TMC7: variants seen among roughly 807,000 people sequenced by gnomAD.
TMC7 encodes transmembrane channel-like protein 7.
TMC7 carries 54 observed loss-of-function variants against 82.9 expected under a neutral mutation model. The ratio of observed to expected loss-of-function variants is 0.65; its 90% confidence interval spans 0.52 to 0.82. The LOEUF is 0.82. Ranked by LOEUF, TMC7 falls within the 40% of genes least tolerant of loss-of-function variation. TMC7 has a pLI of 0.00. For missense variants in TMC7, 820 were observed against 901.2 expected (o/e 0.91, Z 1.15); for synonymous variants, 350 against 337.9 (o/e 1.04, Z -0.39).
intron 5 of TMC7, among the ~76,000 whole-genome samples, chr16:19,029,036 T>A (rs1960370736): frequency 6.6e-6 from 1 of 150,768 alleles, no homozygotes; most frequent in East Asian, 2.0e-4. Flanking sequence ...GACAGAGTCT[T>A]GCTCTGTCAC....
chr16:19,050,521 C>T (rs1321380295), intron 12 of TMC7, among the ~76,000 whole-genome samples: 1 of 151,810 alleles, frequency 6.6e-6, no homozygotes, highest in African/African-American at 2.4e-5. Flanking sequence ...GACGGGGTCT[C>T]ACCCAGACTT....
At chr16:19,000,253 G>T (rs1225049181) in intron 1 of TMC7, among the ~76,000 whole-genome samples, 2 of 151,572 alleles carry the variant, frequency 1.3e-5, no homozygotes, top group Non-Finnish European at 2.9e-5. Flanking sequence ...ATCATTTGAG[G>T]CCAAGAGTTC....
At chr16:18,984,524 A>G (rs1314140169) in intron 1 of TMC7, 1 of 1,020,540 alleles carries the variant, frequency 9.8e-7, no homozygotes, top group African/African-American at 1.7e-5. Context: ...CTTCACATAC[A>G]GTTAGACCAA....
At chr16:19,060,640 G>A (rs980519112) in intron 15 of TMC7, among the ~76,000 whole-genome samples, 12 of 152,134 alleles carry the variant, frequency 7.9e-5, no homozygotes, top group Admixed American at 3.9e-4. Context: ...GGACAGTGTG[G>A]CCACAGGGTG....
In TMC7 at chr16:19,009,643, G is replaced by A. The variant is rs564276124; in HGVS notation, c.311+228G>A. Among the ~76,000 whole-genome samples the A allele has an allele frequency of 7.9e-5, 12 of 151,958 alleles. No homozygotes were observed. The South Asian group carries it at 2.1e-3, about 26-fold the overall frequency. The stretch of plus-strand genomic sequence containing the variant: ...AAAGACACCCAAACATACTCAACAT[G>A]TTAGTTTCTTTCCAGGCCGGGCGCG... On this transcript the variant is annotated intron_variant, in intron 2 of 15. Coordinates refer to ENST00000304381, the MANE Select transcript of TMC7 (RefSeq NM_024847.4).
chr16:18,991,146 A>G (rs2038944044), intron 1 of TMC7, among the ~76,000 whole-genome samples: 1 of 152,100 alleles, frequency 6.6e-6, no homozygotes, highest in Non-Finnish European at 1.5e-5. Flanking sequence ...GGAGAGATTC[A>G]GCTGAAGATT....
At chr16:19,026,500 G>A (rs1179287251) in intron 5 of TMC7, among the ~76,000 whole-genome samples, 1 of 150,910 alleles carries the variant, frequency 6.6e-6, no homozygotes, top group Non-Finnish European at 1.5e-5. Context: ...AGAAAGCAAA[G>A]TTAGGATCAA....
Position 18,988,156 on chromosome 16 carries a change from CTTTTTTTT to C in TMC7, c.67+4037_67+4044del, listed in dbSNP as rs760359195. Among the ~76,000 whole-genome samples the C allele has an allele frequency of 3.1e-3, 395 of 128,974 alleles. 2 individuals carry two copies. Among genetic ancestry groups the C allele is most frequent in the African/African-American group, 0.011 (385 of 34,502 alleles). 84.6% of individuals were successfully genotyped at this position (128,974 alleles called of 152,430 possible). On this transcript the variant is annotated intron_variant, in intron 1 of 15. Coordinates refer to ENST00000304381, the MANE Select transcript of TMC7 (RefSeq NM_024847.4). ...GTTAATTTTCTTTTCTTCTCTCTTT[CTTTTTTTT>C]TTTTTTTTTTGATGGAGTCTTGTTC...
intron 1 of TMC7, among the ~76,000 whole-genome samples, chr16:19,002,913 C>T (rs951616864): frequency 6.6e-6 from 1 of 152,228 alleles, no homozygotes; most frequent in Admixed American, 6.5e-5. Flanking sequence ...TGATCTTATT[C>T]TTTAAGGATG....
intron 4 of TMC7, 56 bp from the exon 5 acceptor site, chr16:19,023,057 C>A: frequency 1.9e-6 from 2 of 1,061,988 alleles, no homozygotes; most frequent in Non-Finnish European, 2.8e-6. Flanking sequence ...AAAAACCAGG[C>A]AGGTTATAGA....
chr16:19,057,386 T>C (rs900369982), intron 14 of TMC7, among the ~76,000 whole-genome samples: 6 of 152,210 alleles, frequency 3.9e-5, no homozygotes, highest in East Asian at 1.9e-4. Context: ...CTACCACTTA[T>C]AAGCCATGAA....
chr16:19,059,178 A>G (rs555592841), intron 14 of TMC7, among the ~76,000 whole-genome samples: 2 of 151,956 alleles, frequency 1.3e-5, no homozygotes, highest in African/African-American at 4.8e-5. Context: ...GCGCCCGGCC[A>G]TATTTTATTT....
intron 1 of TMC7, chr16:18,984,415 T>G: frequency 8.1e-7 from 1 of 1,241,442 alleles, no homozygotes; most frequent in South Asian, 2.9e-5. Context: ...ACCGAGACAG[T>G]CTTTCAATAG....
At chr16:19,021,563 A>G (rs1596752980) in intron 3 of TMC7, 66 bp from the exon 4 acceptor site, 22 of 1,522,828 alleles carry the variant, frequency 1.4e-5, no homozygotes, top group Non-Finnish European at 2.7e-6. Context: ...TTTGTGGCTG[A>G]TTGAATCTAT....
At chr16:19,029,536 A>T (rs960917106) in intron 5 of TMC7, among the ~76,000 whole-genome samples, 3 of 151,742 alleles carry the variant, frequency 2.0e-5, no homozygotes, top group African/African-American at 7.3e-5. Flanking sequence ...TGCCTAGCTA[A>T]TTTTTTTAAA....
At chr16:19,008,449 G>A (rs2039279284) in intron 1 of TMC7, among the ~76,000 whole-genome samples, 1 of 152,194 alleles carries the variant, frequency 6.6e-6, no homozygotes, top group Non-Finnish European at 1.5e-5. Flanking sequence ...GGTCAAGCTG[G>A]CTGAAGACTG....
intron 1 of TMC7, among the ~76,000 whole-genome samples, chr16:18,990,675 C>T (rs1357155702): frequency 2.0e-5 from 3 of 152,026 alleles, no homozygotes; most frequent in Admixed American, 1.3e-4. Context: ...TTGGTATAGG[C>T]GGTGGAGTTA....
chr16:18,998,201 A>G (rs1456016779), intron 1 of TMC7, among the ~76,000 whole-genome samples: 1 of 152,214 alleles, frequency 6.6e-6, no homozygotes, highest in African/African-American at 2.4e-5. Context: ...AGCACATTAC[A>G]TATGATTGCC....
intron 3 of TMC7, among the ~76,000 whole-genome samples, chr16:19,020,885 TAAATA>T (rs1174387754): frequency 6.7e-6 from 1 of 149,176 alleles, no homozygotes; most frequent in Non-Finnish European, 1.5e-5. Flanking sequence ...AATAAATAAA[TAAATA>T]AAAGCCAGAT....
Sources: gnomAD v4.1 joint callset for allele counts (sites outside exome capture counted in the v4.1 genomes callset) on GRCh38, gnomAD v4.1.1 for gene constraint, MANE v1.5 for transcripts, NCBI Gene and HGNC (gene_info 2026-07-23, HGNC 2026-07-21) for gene names.